MAP2: variants seen among roughly 807,000 people sequenced by gnomAD.
MAP2 encodes microtubule-associated protein 2.
A neutral mutation model predicts 137.6 loss-of-function variants in MAP2; 14 were observed. The ratio of observed to expected loss-of-function variants is 0.10; its 90% CI spans 0.07 to 0.16. The LOEUF (loss-of-function observed/expected upper bound fraction) is 0.16. Among genes scored for constraint, MAP2 ranks in the 10% least tolerant of loss-of-function variants. The pLI, the probability that MAP2 is intolerant of heterozygous loss-of-function variation, is 1.00. For synonymous variants in MAP2, 786 were observed against 782.3 expected (o/e 1.00, Z -0.08); for missense variants, 2,088 against 2,191.5 (o/e 0.95, Z 0.94).
rs73071081 is a variant in MAP2, at chr2:209,626,138, C to A, written c.-30+1009C>A. On this transcript the variant is annotated intron_variant, in intron 4 of 15. Coordinates refer to ENST00000682079, the MANE Select transcript of MAP2 (RefSeq NM_001375505.1). ...GCAAAATATAAAAAAATATTATAGG[C>A]CGGGTGTGGTGGCTCACACCTGTAA... is the stretch of plus-strand genomic sequence containing the variant. Among the ~76,000 whole-genome samples the A allele has an allele frequency of 4.2e-3, 636 of 152,034 alleles. 5 individuals are homozygous for A. Among genetic ancestry groups the A allele is most frequent in the African/African-American group, 0.015 (604 of 41,488 alleles).
At chr2:209,585,652 C>G (rs2077522090) in intron 3 of MAP2, among the ~76,000 whole-genome samples, 1 of 152,126 alleles carries the variant, frequency 6.6e-6, no homozygotes. Context: ...ATATTATTCT[C>G]TCACCTAAAG....
intron 1 of MAP2, among the ~76,000 whole-genome samples, chr2:209,463,799 C>T (rs925416647): frequency 2.0e-5 from 3 of 152,032 alleles, no homozygotes; most frequent in East Asian, 1.9e-4. Context: ...TTTGTAGATG[C>T]GTCTTTATTG....
At chr2:209,633,995 C>G (rs949394982) in intron 4 of MAP2, among the ~76,000 whole-genome samples, 2 of 152,184 alleles carry the variant, frequency 1.3e-5, no homozygotes, top group Admixed American at 6.6e-5. Flanking sequence ...CACATTCTGT[C>G]TGCACATTGG....
intron 1 of MAP2, among the ~76,000 whole-genome samples, chr2:209,477,910 G>A (rs1225345339): frequency 1.3e-5 from 2 of 151,950 alleles, no homozygotes; most frequent in Admixed American, 1.3e-4. Context: ...AGGCTGAGGT[G>A]TGAGGATGGC....
In MAP2 at chr2:209,696,914, T is replaced by C; in HGVS notation, c.4388-3T>C. 6.3e-7 allele frequency: 1 copy of C among 1,595,134 alleles called. No homozygotes were observed. The highest frequency in any genetic ancestry group is 2.2e-5 in the East Asian group (1 of 44,772). On this transcript the variant is annotated splice_polypyrimidine_tract_variant and splice_region_variant and intron_variant, in intron 9 of 15. Transcript: ENST00000682079. The stretch of plus-strand genomic sequence containing the variant: ...TATGCTTTTTGTGTTTTCTTATTCA[T>C]AGCAGTTTATAAGAAGGCTGAACTT...
intron 3 of MAP2, among the ~76,000 whole-genome samples, chr2:209,615,444 T>C (rs1159059971): frequency 6.6e-6 from 1 of 152,198 alleles, no homozygotes; most frequent in Non-Finnish European, 1.5e-5. Flanking sequence ...GGGTTTCTGC[T>C]CAAGTTAATA....
intron 3 of MAP2, among the ~76,000 whole-genome samples, chr2:209,583,324 T>A (rs1295587668): frequency 6.6e-6 from 1 of 152,138 alleles, no homozygotes; most frequent in Admixed American, 6.6e-5. Flanking sequence ...ATGTCAAAGA[T>A]AAATTAGGAA....
chr2:209,607,595 C>T (rs547124125), intron 3 of MAP2, among the ~76,000 whole-genome samples: 7 of 152,240 alleles, frequency 4.6e-5, no homozygotes, highest in Admixed American at 2.0e-4. Context: ...CCAACACACC[C>T]GGCTAATTTT....
At chr2:209,500,921 C>T (rs2060297107) in intron 1 of MAP2, among the ~76,000 whole-genome samples, 1 of 151,442 alleles carries the variant, frequency 6.6e-6, no homozygotes, top group African/African-American at 2.4e-5. Flanking sequence ...CCTCTAGTCC[C>T]AGCAACTCAG....
At chr2:209,482,967 T>A (rs1252064796) in intron 1 of MAP2, among the ~76,000 whole-genome samples, 1 of 152,228 alleles carries the variant, frequency 6.6e-6, no homozygotes, top group Non-Finnish European at 1.5e-5. Flanking sequence ...GCTGTCCTAT[T>A]GATTAGGGCA....
intron 3 of MAP2, among the ~76,000 whole-genome samples, chr2:209,602,930 G>A (rs1034882873): frequency 3.3e-5 from 5 of 152,272 alleles, no homozygotes; most frequent in East Asian, 1.9e-4. Flanking sequence ...GCAGGTCTCC[G>A]GTAGTCCTAG....
chr2:209,555,881 G>A (rs1017684002), intron 2 of MAP2, among the ~76,000 whole-genome samples: 2 of 152,112 alleles, frequency 1.3e-5, no homozygotes, highest in African/African-American at 4.8e-5. Flanking sequence ...CTCAGCATCT[G>A]CAGTTTGTAA....
chr2:209,613,821 A>G (rs1176391195), intron 3 of MAP2, among the ~76,000 whole-genome samples: 1 of 152,132 alleles, frequency 6.6e-6, no homozygotes, highest in Non-Finnish European at 1.5e-5. Context: ...GCAAATACCA[A>G]AGGTAGCTGA....
chr2:209,637,164 C>T (rs1053790493), intron 4 of MAP2, among the ~76,000 whole-genome samples: 2 of 152,026 alleles, frequency 1.3e-5, no homozygotes, highest in African/African-American at 2.4e-5. Flanking sequence ...CAGTTCTGGC[C>T]GGGTGTGGTG....
intron 1 of MAP2, among the ~76,000 whole-genome samples, chr2:209,458,009 C>G (rs1368287852): frequency 3.9e-5 from 6 of 152,090 alleles, no homozygotes. Flanking sequence ...TTTTAAAAGG[C>G]TGCACTATGT....
chr2:209,639,767 T>G (rs1456010306), intron 4 of MAP2, among the ~76,000 whole-genome samples: 1 of 152,114 alleles, frequency 6.6e-6, no homozygotes, highest in Non-Finnish European at 1.5e-5. Flanking sequence ...GAGGTTTTTT[T>G]TTTTGGTTGT....
At chr2:209,435,760 G>A (rs1695773243) in intron 1 of MAP2, among the ~76,000 whole-genome samples, 1 of 150,708 alleles carries the variant, frequency 6.6e-6, no homozygotes. Context: ...TGGAAATTTT[G>A]GTTACAGACA....
intron 1 of MAP2, among the ~76,000 whole-genome samples, chr2:209,477,789 A>T (rs1175158699): frequency 6.6e-6 from 1 of 151,788 alleles, no homozygotes; most frequent in Non-Finnish European, 1.5e-5. Context: ...TTGAGCCCAG[A>T]AGTTCAAGAC....
At chr2:209,641,122 A>G (rs2093991530) in intron 4 of MAP2, among the ~76,000 whole-genome samples, 1 of 152,062 alleles carries the variant, frequency 6.6e-6, no homozygotes, top group Non-Finnish European at 1.5e-5. Flanking sequence ...TGTGGCTCTC[A>G]GGTATCTCAA....
Sources: allele counts gnomAD v4.1 joint callset (sites outside exome capture counted in the v4.1 genomes callset), GRCh38; gene constraint gnomAD v4.1.1; transcripts MANE v1.5; gene names NCBI Gene and HGNC (gene_info 2026-07-23, HGNC 2026-07-21).